AZIN2: variants seen among roughly 807,000 people sequenced by gnomAD.
AZIN2 encodes ODC antizyme inhibitor-2.
In AZIN2, 28 loss-of-function variants were observed where a neutral mutation model predicts 47.8. That is an observed-to-expected ratio of 0.59 (90% CI 0.43 to 0.80). AZIN2 has a LOEUF of 0.80. Among genes scored for constraint, AZIN2 ranks in the 30% least tolerant of loss-of-function variants. AZIN2 has a pLI of 0.00. For missense variants in AZIN2, 535 were observed against 582.5 expected, an observed-to-expected ratio of 0.92 and a Z score of 0.84; for synonymous variants, 221 against 239.4, an observed-to-expected ratio of 0.92 and a Z score of 0.71.
chr1:33,161,652 C>A, the AZIN2 span, among the ~76,000 whole-genome samples: 2 of 152,136 alleles, frequency 1.3e-5, no homozygotes, highest in Non-Finnish European at 2.9e-5. The surrounding 1 kb of genome is among the most constrained non-coding windows in gnomAD (Gnocchi z 4.3). Flanking sequence ...TGAGCCCCCT[C>A]ACCCGGGGAG....
the AZIN2 span, chr1:33,146,450 G>C: frequency 6.3e-6 from 1 of 159,224 alleles, no homozygotes; most frequent in African/African-American, 2.4e-5. Flanking sequence ...TTGTCCTGCA[G>C]TTGCTTTTAG....
downstream of AZIN2, among the ~76,000 whole-genome samples, chr1:33,123,854 TG>T (rs1295821100): frequency 6.6e-6 from 1 of 152,046 alleles, no homozygotes; most frequent in Non-Finnish European, 1.5e-5. Context: ...AAAAATTAGC[TG>T]GGTGTGGTGG....
chr1:33,121,254 C>T lies in AZIN2; in HGVS notation c.*1072C>T, dbSNP rs973109914. ...ATTTGAGATGTAATTCATATGCAAT[C>T]ATCAAATTCACCCTTTTAAATGCAG... On this transcript the variant is annotated 3_prime_UTR_variant, in exon 12 of 12. Transcript: ENST00000294517. 6.6e-6 allele frequency among the ~76,000 whole-genome samples: 1 copy of T among 152,216 alleles called. No homozygotes were observed. Among genetic ancestry groups the T allele is most frequent in the Non-Finnish European group, 1.5e-5 (1 of 68,038 alleles).
the AZIN2 span, among the ~76,000 whole-genome samples, chr1:33,131,215 T>C: frequency 2.6e-5 from 4 of 152,264 alleles, no homozygotes; most frequent in Admixed American, 2.0e-4. Flanking sequence ...GTGTATGGTA[T>C]ACCATTCTCC....
chr1:33,106,026 C>G (rs1325108583), intron 10 of AZIN2, among the ~76,000 whole-genome samples: 1 of 151,826 alleles, frequency 6.6e-6, no homozygotes, highest in Admixed American at 6.6e-5. Flanking sequence ...CAAGTGTGTC[C>G]CTAGACTAAG....
Position 33,094,645 on chromosome 1 carries a change from A to G in AZIN2, c.685A>G (p.Lys229Glu). The G allele has an allele frequency of 6.2e-7, 1 of 1,614,106 alleles. No individual in the cohort carries two copies. The highest frequency in any genetic ancestry group is 8.5e-7 in the Non-Finnish European group (1 of 1,180,006). The change falls in exon 8 of 12, where the codon AAG becomes GAG. Residue 229 changes from lysine (K) to glutamate (E), a missense_variant. Around this residue, in one of 3 missense-constraint regions of AZIN2, gnomAD observed 409 missense variants for 429.0 expected, o/e 0.95. Transcript: ENST00000294517. Reference sequence around the variant, plus strand: ...TGAAATGGGCACCGAGCTGGGTCACAAGATGCACGTTCTGGACCTTGGTGG... The same window carrying G: ...TGAAATGGGCACCGAGCTGGGTCACGAGATGCACGTTCTGGACCTTGGTGG... ...VFEMGTELGHKMHVLDLGGGF... is the reference protein window; with the variant it reads ...VFEMGTELGHEMHVLDLGGGF...
rs2124526009 is a variant in AZIN2 at position 33,093,398 on chromosome 1, T to C, written c.569T>C (p.Val190Ala). The change falls in exon 7 of 12, where the codon GTG becomes GCG. Residue 190 changes from valine to alanine, a missense_variant. Around this residue, in one of 3 missense-constraint regions of AZIN2, gnomAD observed 409 missense variants for 429.0 expected, o/e 0.95. Transcript: ENST00000294517. The stretch of plus-strand genomic sequence containing the variant: ...CTTGAAAATGCGAAGAAGCACCATG[T>C]GGAGGTGGTGGGTGTGAGGTGAGCA... Reference protein sequence around the residue: ...HLLENAKKHHVEVVGVSFHIG... With the variant: ...HLLENAKKHHAEVVGVSFHIG... 6.2e-7 allele frequency: 1 copy of C among 1,613,936 alleles called. No individual in the cohort carries two copies. The highest frequency in any genetic ancestry group is 8.5e-7 in the Non-Finnish European group (1 of 1,179,912).
intron 10 of AZIN2, among the ~76,000 whole-genome samples, chr1:33,099,540 G>C (rs980155882): frequency 6.6e-6 from 1 of 152,282 alleles, no homozygotes; most frequent in East Asian, 1.9e-4. Flanking sequence ...TCCAGTACTC[G>C]TCTTCCTGTT....
At chr1:33,131,839 T>C in the AZIN2 span, among the ~76,000 whole-genome samples, 1 of 152,318 alleles carries the variant, frequency 6.6e-6, no homozygotes, top group South Asian at 2.1e-4. Context: ...CTACCAACTT[T>C]ATCTCTCTCA....
intron 10 of AZIN2, among the ~76,000 whole-genome samples, chr1:33,107,653 G>T (rs1644080909): frequency 6.6e-6 from 1 of 152,102 alleles, no homozygotes; most frequent in Middle Eastern, 3.2e-3. Flanking sequence ...AATAAGTTCA[G>T]AAAATTAGAA....
rs1285091408 is a variant in AZIN2, at chr1:33,094,796, G to A, written c.753+83G>A. ...ATTAGATGATCGGAGGGAGACCACCGTGCGTGGGTCCTATGCACTGCATGC... is the reference window on the plus strand; with the variant it reads ...ATTAGATGATCGGAGGGAGACCACCATGCGTGGGTCCTATGCACTGCATGC... On this transcript the variant is annotated intron_variant, in intron 8 of 11. Coordinates refer to ENST00000294517, the MANE Select transcript of AZIN2 (RefSeq NM_052998.4). The A allele has an allele frequency of 5.4e-6, 8 of 1,474,812 alleles. No individual in the cohort carries two copies. The African/African-American group carries it at 6.9e-5, about 13-fold the overall frequency. The allele number at this position is 1,474,812 out of a possible 1,614,324, so 91.4% of individuals were successfully genotyped here.
intron 10 of AZIN2, chr1:33,101,863 C>G (rs757135802): frequency 1.3e-6 from 1 of 779,634 alleles, no homozygotes; most frequent in Non-Finnish European, 2.4e-6. Context: ...CTACATGTCT[C>G]TAGAGTCCAT....
At chr1:33,091,932 C>A in intron 5 of AZIN2, 118 bp from the exon 6 acceptor site, 1 of 1,041,180 alleles carries the variant, frequency 9.6e-7, no homozygotes, top group Non-Finnish European at 1.4e-6. Context: ...TAGAGCAAGG[C>A]CCACTGTTAT....
Position 33,121,716 on chromosome 1 carries a change from A to C in AZIN2, c.*1534A>C, listed in dbSNP as rs1391281059. Among the ~76,000 whole-genome samples the C allele has an allele frequency of 6.6e-6, 1 of 152,234 alleles. No individual in the cohort carries two copies. Among genetic ancestry groups the C allele is most frequent in the Non-Finnish European group, 1.5e-5 (1 of 68,046 alleles). On this transcript the variant is annotated 3_prime_UTR_variant, in exon 12 of 12. Transcript: ENST00000294517. Reference sequence around the variant, plus strand: ...TTTTCCCATTCCCCAGTCCCTGATGACACAAATCTACCTTCCATCTCTATG... The same window carrying C: ...TTTTCCCATTCCCCAGTCCCTGATGCCACAAATCTACCTTCCATCTCTATG...
chr1:33,131,365 C>T, the AZIN2 span, among the ~76,000 whole-genome samples: 5 of 152,198 alleles, frequency 3.3e-5, no homozygotes, highest in Non-Finnish European at 5.9e-5. Context: ...AAGATTGAGG[C>T]TAGGACTTTT....
At chr1:33,101,004 G>A (rs573611787) in intron 10 of AZIN2, among the ~76,000 whole-genome samples, 2 of 152,208 alleles carry the variant, frequency 1.3e-5, no homozygotes, top group East Asian at 3.9e-4. Context: ...TGGGATTACA[G>A]GTGTGTGCCA....
intron 5 of AZIN2, among the ~76,000 whole-genome samples, chr1:33,090,171 C>T (rs912206845): frequency 1.3e-5 from 2 of 152,196 alleles, no homozygotes; most frequent in African/African-American, 4.8e-5. Context: ...TTGGCTGTGG[C>T]TGTTCTGGTG....
chr1:33,112,999 C>T (rs376931970), intron 10 of AZIN2, among the ~76,000 whole-genome samples: 10 of 152,034 alleles, frequency 6.6e-5, no homozygotes, highest in African/African-American at 1.7e-4. Flanking sequence ...TTTGAGACGG[C>T]GTCTCGCTCT....
At chr1:33,083,858 A>G in intron 4 of AZIN2, 96 bp from the exon 5 acceptor site, 2 of 1,465,102 alleles carry the variant, frequency 1.4e-6, no homozygotes, top group Admixed American at 3.5e-5. Context: ...TGTGGCCAGT[A>G]CTGAACCTGG....
Sources: allele counts gnomAD v4.1 joint callset (sites outside exome capture counted in the v4.1 genomes callset), GRCh38; gene constraint gnomAD v4.1.1; regional missense constraint gnomAD v4.1.1; non-coding constraint Gnocchi (gnomAD v3.1); transcripts MANE v1.5; gene names NCBI Gene and HGNC (gene_info 2026-07-23, HGNC 2026-07-21).